CHN1: variants seen among roughly 807,000 people sequenced by gnomAD.
The protein encoded by CHN1 is chimerin 1.
In CHN1, 37 loss-of-function variants were observed where a neutral mutation model predicts 59.5. The ratio of observed to expected loss-of-function variants is 0.62; its 90% CI spans 0.48 to 0.82. The LOEUF (loss-of-function observed/expected upper bound fraction) is 0.82, where lower values mean the gene tolerates loss of function less well. Ranked by LOEUF, CHN1 falls within the 40% of genes least tolerant of loss-of-function variation. The probability of loss-of-function intolerance (pLI) is 0.00; values close to 1 mark genes in which losing one functional copy is unlikely to be tolerated. For synonymous variants in CHN1, 206 were observed against 200.4 expected (o/e 1.03, Z -0.24); for missense variants, 469 against 571.0 (o/e 0.82, Z 1.82).
chr2:174,974,214 A>C (rs1160151483), intron 1 of CHN1, among the ~76,000 whole-genome samples: 1 of 152,200 alleles, frequency 6.6e-6, no homozygotes, highest in Non-Finnish European at 1.5e-5. Flanking sequence ...TTAACTCCAG[A>C]CTTGATGTGG....
intron 1 of CHN1, among the ~76,000 whole-genome samples, chr2:175,000,611 T>C (rs557119018): frequency 6.6e-6 from 1 of 152,182 alleles, no homozygotes; most frequent in East Asian, 1.9e-4. Context: ...ACTTGGCTAA[T>C]ATTTGTATTT....
intron 6 of CHN1, among the ~76,000 whole-genome samples, chr2:174,871,384 C>T (rs911260506): frequency 6.6e-6 from 1 of 151,978 alleles, no homozygotes; most frequent in Non-Finnish European, 1.5e-5. Context: ...AACTGAATGA[C>T]TGTTTTTCTT....
intron 1 of CHN1, among the ~76,000 whole-genome samples, chr2:174,964,886 G>T (rs576358486): frequency 4.0e-4 from 61 of 152,042 alleles, no homozygotes; most frequent in African/African-American, 1.3e-3. Flanking sequence ...AAACTCAAAG[G>T]TATAGATTTT....
At chr2:174,828,407 T>C (rs1685764794) in intron 7 of CHN1, among the ~76,000 whole-genome samples, 1 of 152,232 alleles carries the variant, frequency 6.6e-6, no homozygotes. Context: ...TTTCACTTTA[T>C]ATGCAGTTTT....
chr2:174,815,085 C>T (rs1685200651), intron 8 of CHN1, among the ~76,000 whole-genome samples: 1 of 151,990 alleles, frequency 6.6e-6, no homozygotes, highest in Non-Finnish European at 1.5e-5. Context: ...TTTTTAAAAT[C>T]TATTTTCTAA....
In CHN1 at chr2:174,799,752, G is replaced by T; in HGVS notation, c.*364C>A. ...GACCCCAAAAGCAAAGTCACAACAG[G>T]CTTACTCTGTGAAACATGCTGGATT... On this transcript the variant is annotated 3_prime_UTR_variant, in exon 13 of 13. Transcript: ENST00000409900. 1.9e-6 allele frequency: 1 copy of T among 538,376 alleles called. No individual in the cohort carries two copies. 33.3% of individuals were successfully genotyped at this position (538,376 alleles called of 1,614,324 possible). A position where few individuals can be genotyped will look rare whatever the true frequency, so the allele number is the denominator to read the frequency against.
At chr2:174,881,307 T>C (rs985138416) in intron 5 of CHN1, among the ~76,000 whole-genome samples, 2 of 152,088 alleles carry the variant, frequency 1.3e-5, no homozygotes, top group South Asian at 4.1e-4. Context: ...AGTCTTGAAA[T>C]ATGGTTTGGC....
chr2:174,804,341 AG>A (rs1684820308), intron 11 of CHN1, among the ~76,000 whole-genome samples: 1 of 152,172 alleles, frequency 6.6e-6, no homozygotes, highest in Non-Finnish European at 1.5e-5. Flanking sequence ...TGTGGTCAGA[AG>A]GGCAACAGGG....
At chr2:174,985,873 G>A (rs1691323116) in intron 1 of CHN1, among the ~76,000 whole-genome samples, 2 of 152,250 alleles carry the variant, frequency 1.3e-5, no homozygotes, top group East Asian at 1.9e-4. Context: ...GAGGAAACAA[G>A]TTGGCAAGTG....
intron 1 of CHN1, among the ~76,000 whole-genome samples, chr2:174,971,162 C>CA (rs1268182160): frequency 2.0e-5 from 3 of 151,958 alleles, no homozygotes; most frequent in Non-Finnish European, 4.4e-5. Flanking sequence ...ACTAAAAATA[C>CA]AAAAAATAAG....
At chr2:174,824,168 A>G (rs892818334) in intron 8 of CHN1, among the ~76,000 whole-genome samples, 1 of 152,244 alleles carries the variant, frequency 6.6e-6, no homozygotes, top group Non-Finnish European at 1.5e-5. Context: ...ATCTCCTTTT[A>G]TCAGACTTTT....
chr2:174,801,276 A>G (rs780597954), intron 12 of CHN1, among the ~76,000 whole-genome samples: 13 of 152,344 alleles, frequency 8.5e-5, no homozygotes, highest in Middle Eastern at 6.8e-3. Flanking sequence ...TCAATAATCG[A>G]AAATCCTGTC....
At chr2:174,994,474 T>C (rs1430037324) in intron 1 of CHN1, among the ~76,000 whole-genome samples, 3 of 152,088 alleles carry the variant, frequency 2.0e-5, no homozygotes, top group African/African-American at 7.3e-5. Flanking sequence ...GCAGACACTG[T>C]GGCGGTTGTT....
intron 5 of CHN1, among the ~76,000 whole-genome samples, chr2:174,886,031 T>C (rs1687883378): frequency 1.3e-5 from 2 of 152,316 alleles, no homozygotes; most frequent in East Asian, 1.9e-4. Context: ...ATTGAAATCT[T>C]ATTATAAATG....
intron 1 of CHN1, among the ~76,000 whole-genome samples, chr2:174,986,630 A>G (rs1000321557): frequency 3.9e-5 from 6 of 152,202 alleles, no homozygotes; most frequent in Non-Finnish European, 4.4e-5. Context: ...CAGTAAGACC[A>G]ACCAACCCCT....
intron 5 of CHN1, among the ~76,000 whole-genome samples, chr2:174,908,967 C>T (rs1688617102): frequency 6.6e-6 from 1 of 152,136 alleles, no homozygotes; most frequent in African/African-American, 2.4e-5. Context: ...GTTTGGAAAA[C>T]ATTTCAAATC....
In CHN1 at chr2:174,956,669, G is replaced by A. The variant is rs1246665787; in HGVS notation, c.20-4467C>T. Among the ~76,000 whole-genome samples the A allele has an allele frequency of 2.0e-5, 3 of 151,846 alleles. No individual in the cohort carries two copies. In the East Asian group the frequency reaches 5.8e-4, roughly 29 times the overall value. On this transcript the variant is annotated intron_variant, in intron 1 of 12. Coordinates refer to ENST00000409900, the MANE Select transcript of CHN1 (RefSeq NM_001822.7). ...TACCTGTACCCCAGCTACTCAGGAG[G>A]CTGAGGCAGGGAGAACTGCTTGAAC...
intron 1 of CHN1, among the ~76,000 whole-genome samples, chr2:174,974,098 C>T (rs1388601281): frequency 1.3e-5 from 2 of 152,112 alleles, no homozygotes; most frequent in Non-Finnish European, 2.9e-5. Context: ...AATACCGTGA[C>T]AATGCCAAAC....
intron 8 of CHN1, among the ~76,000 whole-genome samples, chr2:174,817,858 C>T (rs71417501): frequency 0.046 from 7,056 of 152,130 alleles, 254 homozygotes; most frequent in African/African-American, 0.093. Context: ...AGGATGGTCT[C>T]GATCTCCTGA....
Sources: gnomAD v4.1 joint callset for allele counts (sites outside exome capture counted in the v4.1 genomes callset) on GRCh38, gnomAD v4.1.1 for gene constraint, MANE v1.5 for transcripts, NCBI Gene and HGNC (gene_info 2026-07-23, HGNC 2026-07-21) for gene names.